EXTL3: variants seen among roughly 807,000 people sequenced by gnomAD.
The protein encoded by EXTL3 is exostosin like glycosyltransferase 3.
In EXTL3, 27 loss-of-function variants were observed where a neutral mutation model predicts 69.3. The observed-to-expected ratio is 0.39, with a 90% confidence interval of 0.29 to 0.54. EXTL3 has a LOEUF of 0.54. Among genes scored for constraint, EXTL3 ranks in the 20% least tolerant of loss-of-function variants. The pLI is 0.69. For synonymous variants in EXTL3, 511 were observed against 499.4 expected, an observed-to-expected ratio of 1.02 and a Z score of -0.31; for missense variants, 1,003 against 1,231.8, an observed-to-expected ratio of 0.81 and a Z score of 2.78.
At chr8:28,714,192 C>T (rs970914651) in intron 2 of EXTL3, among the ~76,000 whole-genome samples, 2 of 152,094 alleles carry the variant, frequency 1.3e-5, no homozygotes, top group Non-Finnish European at 2.9e-5. Context: ...AGGTGTGAGC[C>T]ACCATGCCCA....
At chr8:28,619,308 A>C (rs960885608), upstream of EXTL3, among the ~76,000 whole-genome samples, 4 of 114,226 alleles carry the variant, frequency 3.5e-5, no homozygotes, top group African/African-American at 1.5e-4. Context: ...AAAAAAAAAA[A>C]AAAAAAACCC....
intron 1 of EXTL3, among the ~76,000 whole-genome samples, chr8:28,681,570 T>C (rs934690397): frequency 4.6e-5 from 7 of 152,200 alleles, no homozygotes; most frequent in African/African-American, 1.7e-4. Flanking sequence ...GTTGATTTCA[T>C]ATTTTGGCTA....
At chr8:28,682,161 T>A (rs1463276755) in intron 1 of EXTL3, among the ~76,000 whole-genome samples, 1 of 152,226 alleles carries the variant, frequency 6.6e-6, no homozygotes, top group African/African-American at 2.4e-5. Flanking sequence ...TGATATTTCA[T>A]TGTGGTTTTA....
chr8:28,736,481 A>G (rs1177962080), intron 4 of EXTL3, among the ~76,000 whole-genome samples: 1 of 152,194 alleles, frequency 6.6e-6, no homozygotes, highest in Non-Finnish European at 1.5e-5. Context: ...TAATTTACCT[A>G]TAAATTTGGA....
intron 1 of EXTL3, among the ~76,000 whole-genome samples, chr8:28,686,370 T>C (rs1478762738): frequency 2.0e-5 from 3 of 151,802 alleles, no homozygotes; most frequent in Admixed American, 6.6e-5. Flanking sequence ...ATTGAACCAC[T>C]TAAGAATAGG....
intron 1 of EXTL3, among the ~76,000 whole-genome samples, chr8:28,671,703 G>A (rs927072010): frequency 8.5e-5 from 13 of 152,128 alleles, no homozygotes; most frequent in African/African-American, 3.1e-4. Flanking sequence ...CTCACCCCAT[G>A]TTAATGCATC....
In EXTL3 at chr8:28,623,201, G is replaced by C. The variant is rs1233527048; in HGVS notation, c.-53+391G>C. Among the ~76,000 whole-genome samples the C allele has an allele frequency of 6.6e-6, 1 of 152,200 alleles. No individual in the cohort carries two copies. The highest frequency in any genetic ancestry group is 1.5e-5 in the Non-Finnish European group (1 of 68,026). On this transcript the variant is annotated intron_variant, in intron 1 of 6. Coordinates refer to the EXTL3 transcript ENST00000523149. This position sits in a 1 kb window ranked among gnomAD's most constrained non-coding sequence, Gnocchi z 4.2. ...GGGGGTCCCGACCCCTGCTGCCTCG[G>C]GTACGGGGTAAGCGGCATCTGCCAC... is the stretch of plus-strand genomic sequence containing the variant.
intron 3 of EXTL3, among the ~76,000 whole-genome samples, chr8:28,729,308 A>G (rs1801482079): frequency 6.6e-6 from 1 of 150,900 alleles, no homozygotes; most frequent in African/African-American, 2.4e-5. Context: ...AAAAAAAAAA[A>G]AAAAATGTCT....
At chr8:28,626,625 C>T (rs1806495401) in intron 1 of EXTL3, among the ~76,000 whole-genome samples, 1 of 152,180 alleles carries the variant, frequency 6.6e-6, no homozygotes, top group Non-Finnish European at 1.5e-5. Flanking sequence ...TTTGTGTTCA[C>T]TATCCCTGAA....
chr8:28,678,137 G>A (rs1807418988), intron 1 of EXTL3: 1 of 152,472 alleles, frequency 6.6e-6, no homozygotes, highest in South Asian at 2.1e-4. Flanking sequence ...GAGAGAAGAA[G>A]GCACGTGGCC....
chr8:28,623,224 C>T lies in EXTL3; in HGVS notation c.-53+414C>T, dbSNP rs1384806024. Among the ~76,000 whole-genome samples, 1 of 152,166 alleles carries T rather than the reference C, an allele frequency of 6.6e-6. No individual in the cohort carries two copies. Among genetic ancestry groups the T allele is most frequent in the Non-Finnish European group, 1.5e-5 (1 of 68,024 alleles). On this transcript the variant is annotated intron_variant, in intron 1 of 6. Transcript: ENST00000523149. The surrounding 1 kb of genome is among the most constrained non-coding windows in gnomAD (Gnocchi z 4.2). ...CGGGTACGGGGTAAGCGGCATCTGCCACGCGCCCGCCTCGCGCGCTGTCAG... is the reference window on the plus strand; with the variant it reads ...CGGGTACGGGGTAAGCGGCATCTGCTACGCGCCCGCCTCGCGCGCTGTCAG...
chr8:28,678,467 G>C (rs538613901), intron 1 of EXTL3, among the ~76,000 whole-genome samples: 27 of 152,192 alleles, frequency 1.8e-4, no homozygotes, highest in African/African-American at 6.5e-4. Flanking sequence ...GTTTCTGAGA[G>C]AACTGGTGTT....
At chr8:28,737,159 C>T (rs1202878777) in intron 4 of EXTL3, among the ~76,000 whole-genome samples, 1 of 152,224 alleles carries the variant, frequency 6.6e-6, no homozygotes, top group Non-Finnish European at 1.5e-5. Flanking sequence ...TTGATATCAT[C>T]TTTCTGCTGC....
At chr8:28,724,605 TAA>T (rs752641030) in intron 3 of EXTL3, among the ~76,000 whole-genome samples, 4 of 109,984 alleles carry the variant, frequency 3.6e-5, no homozygotes, top group African/African-American at 7.9e-5. Flanking sequence ...GTCTCTGCTT[TAA>T]AAAAAAAAAA....
intron 1 of EXTL3, among the ~76,000 whole-genome samples, chr8:28,636,587 G>A (rs952802307): frequency 3.9e-5 from 6 of 152,192 alleles, no homozygotes; most frequent in Non-Finnish European, 8.8e-5. Context: ...TATCTTACAA[G>A]CACAGTTTGA....
At chr8:28,624,464 G>A (rs1489932000) in intron 1 of EXTL3, among the ~76,000 whole-genome samples, 1 of 152,210 alleles carries the variant, frequency 6.6e-6, no homozygotes, top group Non-Finnish European at 1.5e-5. Flanking sequence ...TTGGTAGGCT[G>A]AGGTGGGAGG....
At chr8:28,627,174 C>T (rs538495623) in intron 1 of EXTL3, among the ~76,000 whole-genome samples, 5 of 146,726 alleles carry the variant, frequency 3.4e-5, no homozygotes, top group South Asian at 4.3e-4. Context: ...GGCGACAGAG[C>T]GAGACTCCAT....
rs748502441 is a variant in EXTL3 at position 28,717,862 on chromosome 8, C to A, written c.1803C>A (p.Tyr601Ter). 1.2e-6 allele frequency: 2 copies of A among 1,613,038 alleles called. No homozygotes were observed. Among genetic ancestry groups the A allele is most frequent in the African/African-American group, 1.3e-5 (1 of 75,050 alleles). ...RNFTLTVTDF[Y>*]RSWNCAPGPF... is the part of the protein sequence containing the mutation. The stretch of plus-strand genomic sequence containing the variant: ...TCACTCTGACTGTCACTGACTTTTA[C>A]CGCAGCTGGAACTGTGCTCCAGGGC... Residue 601 changes from tyrosine to a stop codon, truncating the protein, a stop_gained, in exon 3 of 7, where the codon TAC (tyrosine) becomes TAA (stop). Coordinates refer to ENST00000220562, the MANE Select transcript of EXTL3 (RefSeq NM_001440.4). LOFTEE classifies it high-confidence loss of function. This position sits in a 1 kb window ranked among gnomAD's most constrained non-coding sequence, Gnocchi z 8.3.
chr8:28,710,586 A>ATTT, intron 1 of EXTL3: 1 of 303,282 alleles, frequency 3.3e-6, no homozygotes, highest in Non-Finnish European at 6.4e-6. Flanking sequence ...TTCATGAGAG[A>ATTT]TTTTTTTTTT....
Sources: allele counts gnomAD v4.1 joint callset (sites outside exome capture counted in the v4.1 genomes callset), GRCh38; gene constraint gnomAD v4.1.1; non-coding constraint Gnocchi (gnomAD v3.1); transcripts MANE v1.5; gene names NCBI Gene and HGNC (gene_info 2026-07-23, HGNC 2026-07-21).